CCDC86: variants seen among roughly 807,000 people sequenced by gnomAD.
CCDC86 encodes the protein coiled-coil domain-containing protein 86.
A neutral mutation model predicts 36.7 loss-of-function variants in CCDC86; 28 were observed. That is an observed-to-expected ratio of 0.76 (90% CI 0.57 to 1.05). The LOEUF (loss-of-function observed/expected upper bound fraction) is 1.05, where lower values mean the gene tolerates loss of function less well. CCDC86 is among the 50% of genes least tolerant of loss of function. The pLI is 0.00. For synonymous variants in CCDC86, 199 were observed against 203.4 expected (o/e 0.98, Z 0.18); for missense variants, 453 against 470.2 (o/e 0.96, Z 0.34).
chr11:60,842,674 A>G lies in CCDC86; in HGVS notation c.550A>G (p.Arg184Gly), dbSNP rs760004217. Residue 184 changes from arginine (R) to glycine (G), a missense_variant, in exon 1 of 4, where the codon AGG (arginine) becomes GGG (glycine). Coordinates refer to ENST00000227520, the MANE Select transcript of CCDC86 (RefSeq NM_024098.4). ...TCAGCCACTACTGGAGCTGACACCC[A>G]GGGCACCTGGCTCCCCCCGGGGTCA... is the stretch of plus-strand genomic sequence containing the variant. ...PSQPLLELTP[R>G]APGSPRGQHE... 4.3e-6 allele frequency: 7 copies of G among 1,613,896 alleles called. No individual in the cohort carries two copies. The highest frequency in any genetic ancestry group is 5.9e-6 in the Non-Finnish European group (7 of 1,179,980).
intron 1 of CCDC86, among the ~76,000 whole-genome samples, chr11:60,846,798 T>A (rs1855188201): frequency 6.6e-6 from 1 of 152,178 alleles, no homozygotes; most frequent in African/African-American, 2.4e-5. Context: ...GGTCTCGAAC[T>A]CCCGACCTTA....
rs1201246845 is a variant in CCDC86 at position 60,842,629 on chromosome 11, G to C, written c.505G>C (p.Ala169Pro). 6.8e-6 allele frequency: 11 copies of C among 1,613,592 alleles called. No individual in the cohort carries two copies. Among genetic ancestry groups the C allele is most frequent in the Admixed American group, 1.7e-5 (1 of 60,000 alleles). The change falls in exon 1 of 4, where the codon GCT becomes CCT. Residue 169 changes from alanine to proline, a missense_variant. Coordinates refer to ENST00000227520, the MANE Select transcript of CCDC86 (RefSeq NM_024098.4). ...GSPEPYPGQQAPGPEPSQPLL... is the reference protein window; with the variant it reads ...GSPEPYPGQQPPGPEPSQPLL... ...ACCAGAGCCTTACCCCGGTCAGCAA[G>C]CTCCCGGTCCGGAGCCCTCTCAGCC...
chr11:60,847,851 C>T lies in CCDC86; in HGVS notation c.759-73C>T, dbSNP rs567717828. 1.5e-4 allele frequency: 220 copies of T among 1,484,458 alleles called. 2 individuals carry two copies. In the African/African-American group the frequency reaches 2.4e-3, roughly 16 times the overall value. 92.0% of individuals were successfully genotyped at this position (1,484,458 alleles called of 1,614,324 possible). Reference sequence around the variant, plus strand: ...TCTGGGGAAGAAGGTCCAGAGCCTCCGGCCGAGAGGAGACAGGGCATGGGT... The same window carrying T: ...TCTGGGGAAGAAGGTCCAGAGCCTCTGGCCGAGAGGAGACAGGGCATGGGT... On this transcript the variant is annotated intron_variant, in intron 1 of 3. Coordinates refer to ENST00000227520, the MANE Select transcript of CCDC86 (RefSeq NM_024098.4).
At chr11:60,846,893 TC>T (rs1855191475) in intron 1 of CCDC86, among the ~76,000 whole-genome samples, 1 of 143,330 alleles carries the variant, frequency 7.0e-6, no homozygotes, top group South Asian at 2.3e-4. Flanking sequence ...CATTTTTTTT[TC>T]CCTGAAATAT....
At position 60,842,876 on chromosome 11, in the gene CCDC86, A is replaced by G. The variant is rs1855142135; in HGVS notation, c.752A>G (p.Lys251Arg). The change falls in exon 1 of 4, where the codon AAG becomes AGG. Residue 251 changes from lysine (K) to arginine (R), a missense_variant. Lys to Arg is a conservative substitution (Grantham distance 26). Transcript: ENST00000227520. ...GGGCGAGTGTGGAAGGACCGCTCCA[A>G]GAAAAGGTGAAGTGGGGGACAGCAT... ...KSGRVWKDRS[K>R]KRFSQMLQDK... The G allele has an allele frequency of 2.6e-6, 4 of 1,561,484 alleles. No homozygotes were observed. Among genetic ancestry groups the G allele is most frequent in the Non-Finnish European group, 3.5e-6 (4 of 1,152,406 alleles).
intron 2 of CCDC86, 33 bp from the exon 3 acceptor site, chr11:60,849,907 C>A: frequency 1.3e-6 from 2 of 1,597,350 alleles, no homozygotes; most frequent in East Asian, 2.2e-5. Flanking sequence ...CCTCTGCTCC[C>A]CGACTCAAAT....
intron 2 of CCDC86, among the ~76,000 whole-genome samples, chr11:60,848,670 G>A (rs904426729): frequency 6.6e-6 from 1 of 152,128 alleles, no homozygotes; most frequent in African/African-American, 2.4e-5. Flanking sequence ...GCATTGGTCA[G>A]CTCCTGCCCC....
intron 2 of CCDC86, 133 bp downstream of exon 2, chr11:60,848,186 G>A: frequency 8.5e-7 from 1 of 1,177,216 alleles, no homozygotes; most frequent in Non-Finnish European, 1.1e-6. Flanking sequence ...TGAATCTGAA[G>A]GCCGGAGGGA....
At position 60,848,058 on chromosome 11, in the gene CCDC86, G is replaced by C; in HGVS notation, c.888+5G>C. On this transcript the variant is annotated splice_donor_5th_base_variant and intron_variant, in intron 2 of 3. Transcript: ENST00000227520. ...GAGAAGGAGAGGCGCCGCCAGGTGA[G>C]GGGCCAGCCAGGCTGAGGCTGGGGC... 1 of 1,611,800 alleles carries C rather than the reference G, an allele frequency of 6.2e-7. No individual in the cohort carries two copies. Among genetic ancestry groups the C allele is most frequent in the Non-Finnish European group, 8.5e-7 (1 of 1,178,670 alleles).
Position 60,842,301 on chromosome 11 carries a change from C to G in CCDC86, c.177C>G (p.Pro59=), listed in dbSNP as rs1340829263. 6 of 1,613,486 alleles carry G rather than the reference C, an allele frequency of 3.7e-6. No individual in the cohort carries two copies. The African/African-American group carries it at 5.3e-5, about 14-fold the overall frequency. Residue 59 remains proline (P), a synonymous_variant, in exon 1 of 4, where the codon CCC becomes CCG. Coordinates refer to ENST00000227520, the MANE Select transcript of CCDC86 (RefSeq NM_024098.4). ...PSVQRAGLGS[P]ERPPKTSPGS... ...TGCAGCGGGCTGGCCTGGGGTCCCC[C>G]GAAAGGCCGCCGAAGACAAGCCCAG...
At chr11:60,844,881 G>A (rs148670451) in intron 1 of CCDC86, among the ~76,000 whole-genome samples, 72 of 152,326 alleles carry the variant, frequency 4.7e-4, no homozygotes, top group African/African-American at 1.6e-3. Context: ...CAGATCTTGG[G>A]TAAACATGTC....
rs745532462 is a variant in CCDC86 at position 60,842,578 on chromosome 11, C to G, written c.454C>G (p.His152Asp). Residue 152 changes from histidine (H) to aspartate (D), a missense_variant, in exon 1 of 4, where the codon CAT becomes GAT. Coordinates refer to ENST00000227520, the MANE Select transcript of CCDC86 (RefSeq NM_024098.4). ...GGAGCTGACCCCGGGGGCCCCCCAG[C>G]ATCAGCTACCGCCGGTCCCAGGATC... The part of the protein sequence containing the change: ...KEELTPGAPQ[H>D]QLPPVPGSPE... 1 of 1,613,272 alleles carries G rather than the reference C, an allele frequency of 6.2e-7. No individual in the cohort carries two copies. Among genetic ancestry groups the G allele is most frequent in the Non-Finnish European group, 8.5e-7 (1 of 1,179,812 alleles).
intron 1 of CCDC86, 36 bp downstream of exon 1, chr11:60,842,918 C>G (rs1855142675): frequency 6.5e-7 from 1 of 1,531,260 alleles, no homozygotes; most frequent in African/African-American, 1.4e-5. Context: ...GGGTGGCGTT[C>G]TCTATGGTGT....
chr11:60,845,391 C>T (rs150415772), intron 1 of CCDC86, among the ~76,000 whole-genome samples: 30 of 152,154 alleles, frequency 2.0e-4, no homozygotes, highest in Non-Finnish European at 3.5e-4. Context: ...CATAGGCGGG[C>T]AGGGGTGAAG....
In CCDC86 at chr11:60,850,352, G is replaced by T. The variant is rs1855245692; in HGVS notation, c.*27G>T. The stretch of plus-strand genomic sequence containing the variant: ...CTCAGGACGGCCCGAGGCCTTCCAT[G>T]GCCAACAACCATGTCAGACACAGCA... On this transcript the variant is annotated 3_prime_UTR_variant, in exon 4 of 4. Transcript: ENST00000227520. 6.2e-7 allele frequency: 1 copy of T among 1,610,284 alleles called. No individual in the cohort carries two copies.
chr11:60,842,154 G>C lies in CCDC86; in HGVS notation c.30G>C (p.Arg10=), dbSNP rs760505982. ...ATACACCGTTAAGGCGCAGCCGACG[G>C]CTGGGAGGCCTAAGGCCCGAATCCC... MDTPLRRSR[R]LGGLRPESPE... The change falls in exon 1 of 4, where the codon CGG becomes CGC. Residue 10 remains arginine (R), a synonymous_variant. Coordinates refer to ENST00000227520, the MANE Select transcript of CCDC86 (RefSeq NM_024098.4). The C allele has an allele frequency of 6.2e-7, 1 of 1,601,864 alleles. No individual in the cohort carries two copies. Among genetic ancestry groups the C allele is most frequent in the Non-Finnish European group, 8.5e-7 (1 of 1,174,684 alleles).
intron 1 of CCDC86, among the ~76,000 whole-genome samples, chr11:60,843,940 A>C (rs1458734353): frequency 6.6e-6 from 1 of 152,200 alleles, no homozygotes; most frequent in Admixed American, 6.5e-5. Flanking sequence ...AATTTACTGC[A>C]AGTCTCCCAT....
chr11:60,844,670 A>G (rs990778364), intron 1 of CCDC86, among the ~76,000 whole-genome samples: 2 of 152,086 alleles, frequency 1.3e-5, no homozygotes, highest in Non-Finnish European at 2.9e-5. Flanking sequence ...TAACACCTCC[A>G]TTTGCACAAA....
At position 60,850,927 on chromosome 11, in the gene CCDC86, T is replaced by A. The variant is rs760728112; in HGVS notation, c.*602T>A. 6.6e-6 allele frequency: 1 copy of A among 152,498 alleles called. No homozygotes were observed. The highest frequency in any genetic ancestry group is 1.5e-5 in the Non-Finnish European group (1 of 68,246). The allele number at this position is 152,498 out of a possible 1,614,324, so 9.4% of individuals were successfully genotyped here. A position where few individuals can be genotyped will look rare whatever the true frequency, so the allele number is the denominator to read the frequency against. ...CAGAAGCCCCAGAGAATCTAACTCATGCCTGTCCAGTCTACAGCAAAAATA... is the reference window on the plus strand; with the variant it reads ...CAGAAGCCCCAGAGAATCTAACTCAAGCCTGTCCAGTCTACAGCAAAAATA... On this transcript the variant is annotated 3_prime_UTR_variant, in exon 4 of 4. Coordinates refer to ENST00000227520, the MANE Select transcript of CCDC86 (RefSeq NM_024098.4).
Sources: gnomAD v4.1 joint callset for allele counts (sites outside exome capture counted in the v4.1 genomes callset) on GRCh38, gnomAD v4.1.1 for gene constraint, MANE v1.5 for transcripts, NCBI Gene and HGNC (gene_info 2026-07-23, HGNC 2026-07-21) for gene names.